CYRIB: variants seen among roughly 807,000 people sequenced by gnomAD.
The protein encoded by CYRIB is CYFIP related Rac1 interactor B, also known as CYFIP-related Rac1 interactor B.
Under a neutral mutation model 44.2 loss-of-function variants are expected in CYRIB, and 8 were observed. That is an observed-to-expected ratio of 0.18 (90% CI 0.11 to 0.33). The LOEUF (loss-of-function observed/expected upper bound fraction) is 0.33. Among genes scored for constraint, CYRIB ranks in the 10% least tolerant of loss-of-function variants. The pLI is 1.00. For missense variants in CYRIB, 185 were observed against 382.8 expected, an observed-to-expected ratio of 0.48 and a Z score of 4.31; for synonymous variants, 131 against 127.2, an observed-to-expected ratio of 1.03 and a Z score of -0.20.
chr8:129,935,966 C>T (rs949467041), intron 1 of CYRIB, among the ~76,000 whole-genome samples: 15 of 152,046 alleles, frequency 9.9e-5, no homozygotes, highest in Non-Finnish European at 1.6e-4. Flanking sequence ...AAAAAGTTTA[C>T]AAATGTGACT....
At chr8:129,983,871 G>A (rs1409715892) in intron 1 of CYRIB, among the ~76,000 whole-genome samples, 1 of 152,232 alleles carries the variant, frequency 6.6e-6, no homozygotes, top group Non-Finnish European at 1.5e-5. Flanking sequence ...CCATAAAGCC[G>A]ATCTTCGCCG....
chr8:129,861,303 A>G (rs1378109258), intron 5 of CYRIB, among the ~76,000 whole-genome samples: 1 of 152,090 alleles, frequency 6.6e-6, no homozygotes, highest in Non-Finnish European at 1.5e-5. Flanking sequence ...GGGAGTTCCA[A>G]TTTTGCTTAC....
chr8:129,847,108 C>G (rs2040485634), intron 10 of CYRIB: 1 of 364,066 alleles, frequency 2.7e-6, no homozygotes, highest in Non-Finnish European at 4.9e-6. Flanking sequence ...ACCACACATG[C>G]AATGAAAAAC....
At chr8:129,933,413 T>C (rs746477240) in intron 1 of CYRIB, among the ~76,000 whole-genome samples, 6 of 152,108 alleles carry the variant, frequency 3.9e-5, no homozygotes, top group Non-Finnish European at 7.4e-5. Flanking sequence ...CTCTTGGAAA[T>C]AGGCACCCAG....
At chr8:129,858,290 T>C (rs1409431065) in intron 5 of CYRIB, among the ~76,000 whole-genome samples, 1 of 152,208 alleles carries the variant, frequency 6.6e-6, no homozygotes, top group Non-Finnish European at 1.5e-5. Flanking sequence ...CATGAGATTA[T>C]GATTTTTTAA....
At chr8:129,944,106 A>G (rs1165779588), upstream of CYRIB, among the ~76,000 whole-genome samples, 1 of 152,052 alleles carries the variant, frequency 6.6e-6, no homozygotes, top group East Asian at 1.9e-4. Flanking sequence ...ACAACAAGTA[A>G]AGAGACGCTT....
rs1447778020 is a variant in CYRIB at position 129,904,070 on chromosome 8, AAC to A, written c.-49-722_-49-721del. Among the ~76,000 whole-genome samples the A allele has an allele frequency of 3.9e-5, 6 of 152,190 alleles. No individual in the cohort carries two copies. The East Asian group carries it at 1.2e-3, about 29-fold the overall frequency. ...TGCCGGGCTTGGTTTTACTATTTCA[AAC>A]ACACAATTTTAGGTAAAATGGAATC... is the stretch of plus-strand genomic sequence containing the variant. On this transcript the variant is annotated intron_variant, in intron 1 of 11. Transcript: ENST00000519824.
chr8:129,950,910 ACG>A (rs1212840500), intron 2 of CYRIB, among the ~76,000 whole-genome samples: 2 of 152,202 alleles, frequency 1.3e-5, no homozygotes, highest in East Asian at 3.8e-4. Context: ...TGGGGGCAGT[ACG>A]ATTTTGAGCA....
chr8:129,915,392 T>A (rs2080198483), intron 1 of CYRIB, among the ~76,000 whole-genome samples: 1 of 152,156 alleles, frequency 6.6e-6, no homozygotes, highest in South Asian at 2.1e-4. Flanking sequence ...TATAAAAGAA[T>A]ATATATTGTA....
intron 2 of CYRIB, among the ~76,000 whole-genome samples, chr8:129,901,226 C>CTT (rs1002962200): frequency 6.7e-6 from 1 of 148,544 alleles, no homozygotes; most frequent in Non-Finnish European, 1.5e-5. Context: ...ATTAGGATAC[C>CTT]TTTTTTTTTT....
exon 6 of CYRIB, chr8:129,855,689 C>T: frequency 5.0e-6 from 8 of 1,613,780 alleles, no homozygotes; most frequent in Non-Finnish European, 5.9e-6. Context: ...GCTCTAGATG[C>T]TGGGTGGGAG....
At chr8:129,942,669 A>G (rs1389187115), upstream of CYRIB, among the ~76,000 whole-genome samples, 1 of 152,252 alleles carries the variant, frequency 6.6e-6, no homozygotes, top group African/African-American at 2.4e-5. Flanking sequence ...GGGCTTACAT[A>G]AGAGCACTAG....
At chr8:129,865,913 C>T (rs1186502564) in intron 4 of CYRIB, among the ~76,000 whole-genome samples, 1 of 152,164 alleles carries the variant, frequency 6.6e-6, no homozygotes, top group Non-Finnish European at 1.5e-5. Flanking sequence ...AAATATTTAT[C>T]AGTAACACTA....
chr8:129,993,036 G>T (rs370838873), intron 1 of CYRIB, among the ~76,000 whole-genome samples: 2 of 152,172 alleles, frequency 1.3e-5, no homozygotes, highest in Non-Finnish European at 2.9e-5. Context: ...GGCAAGGCTG[G>T]GGTCAGCAGG....
intron 1 of CYRIB, among the ~76,000 whole-genome samples, chr8:129,991,977 A>G (rs2096649277): frequency 1.4e-5 from 2 of 139,494 alleles, no homozygotes; most frequent in Non-Finnish European, 3.1e-5. Context: ...AAAAAACAAT[A>G]GGAAGCTATT....
intron 5 of CYRIB, among the ~76,000 whole-genome samples, chr8:129,858,363 G>T (rs2047334138): frequency 6.6e-6 from 1 of 152,206 alleles, no homozygotes; most frequent in African/African-American, 2.4e-5. Context: ...AGAACCAAAG[G>T]AAGCTGGCAG....
chr8:129,874,220 C>G (rs2058355580), intron 3 of CYRIB, among the ~76,000 whole-genome samples: 1 of 151,918 alleles, frequency 6.6e-6, no homozygotes, highest in Non-Finnish European at 1.5e-5. Flanking sequence ...AATGTATCTA[C>G]TACTGAGGGT....
chr8:129,972,069 A>G lies in CYRIB; in HGVS notation c.-295-1074T>C, dbSNP rs114713906. Among the ~76,000 whole-genome samples, 1,464 of 152,260 alleles carry G rather than the reference A, an allele frequency of 9.6e-3. 24 individuals carry two copies. Among genetic ancestry groups the G allele is most frequent in the African/African-American group, 0.034 (1,408 of 41,546 alleles). On this transcript the variant is annotated intron_variant, in intron 1 of 14. Transcript: ENST00000401979. ...TTGCTTTTCATTGGGTGCTGAAACT[A>G]CCGGAAGCTACTTAACCAGCCTTGT...
At chr8:129,888,726 T>C (rs908916564) in intron 2 of CYRIB, among the ~76,000 whole-genome samples, 2 of 152,218 alleles carry the variant, frequency 1.3e-5, no homozygotes, top group Non-Finnish European at 2.9e-5. Flanking sequence ...TACACTACTC[T>C]ATCCTGAGCA....
Sources: gnomAD v4.1 joint callset for allele counts (sites outside exome capture counted in the v4.1 genomes callset) on GRCh38, gnomAD v4.1.1 for gene constraint, MANE v1.5 for transcripts, NCBI Gene and HGNC (gene_info 2026-07-23, HGNC 2026-07-21) for gene names.